Variants in SARNP observed in about 807,000 individuals in gnomAD.
The protein encoded by SARNP is SAP domain-containing ribonucleoprotein.
Under a neutral mutation model 38.1 loss-of-function variants are expected in SARNP, and 5 were observed. The observed-to-expected ratio is 0.13, with a 90% CI of 0.07 to 0.28. SARNP has a LOEUF of 0.28. Ranked by LOEUF, SARNP falls within the 10% of genes least tolerant of loss-of-function variation. The pLI, the probability that SARNP is intolerant of heterozygous loss-of-function variation, is 1.00. For missense variants in SARNP, 180 were observed against 243.9 expected, an observed-to-expected ratio of 0.74 and a Z score of 1.75; for synonymous variants, 84 against 80.6, an observed-to-expected ratio of 1.04 and a Z score of -0.23.
intron 5 of SARNP, 96 bp downstream of exon 5, chr12:55,795,925 TCTGC>T: frequency 1.2e-6 from 1 of 850,282 alleles, no homozygotes; most frequent in South Asian, 1.7e-5. Context: ...ATACTGATTT[TCTGC>T]CTGTGAATAA....
At chr12:55,755,836 T>C (rs1013454836), downstream of SARNP, 1 of 151,168 alleles carries the variant, frequency 6.6e-6, no homozygotes, top group African/African-American at 2.4e-5. Flanking sequence ...TGTTCAAAGA[T>C]CTAGGGGAAG....
intron 1 of SARNP, among the ~76,000 whole-genome samples, chr12:55,812,800 C>T (rs1377564560): frequency 6.6e-6 from 1 of 152,252 alleles, no homozygotes; most frequent in East Asian, 1.9e-4. Flanking sequence ...TGCTTATTCA[C>T]TCAACAAATC....
In SARNP at chr12:55,760,026, C is replaced by T. The variant is rs571027158; in HGVS notation, c.591+525G>A. On this transcript the variant is annotated intron_variant, in intron 10 of 10. Coordinates refer to ENST00000336133, the MANE Select transcript of SARNP (RefSeq NM_033082.4). The stretch of plus-strand genomic sequence containing the variant: ...GTGCTAAGATTACAGGCATGAGCCA[C>T]CACACCCAGCCCAGAGCCAATTTTA... 1.1e-4 allele frequency among the ~76,000 whole-genome samples: 16 copies of T among 152,264 alleles called. No homozygotes were observed. In the South Asian group the frequency reaches 2.9e-3, roughly 28 times the overall value.
chr12:55,806,445 T>C (rs1258749425), intron 1 of SARNP, among the ~76,000 whole-genome samples: 5 of 152,072 alleles, frequency 3.3e-5, no homozygotes, highest in African/African-American at 1.2e-4. Flanking sequence ...TGGCTAATTT[T>C]TGTATTTTTA....
chr12:55,816,884 G>A (rs1286426464), intron 1 of SARNP, among the ~76,000 whole-genome samples: 1 of 152,096 alleles, frequency 6.6e-6, no homozygotes, highest in Admixed American at 6.6e-5. Context: ...GTAACACCAG[G>A]AGATGCAGGG....
At chr12:55,790,641 G>T in intron 7 of SARNP, 49 bp from the exon 8 acceptor site, 1 of 1,433,258 alleles carries the variant, frequency 7.0e-7, no homozygotes, top group Non-Finnish European at 9.3e-7. Flanking sequence ...AGTCATCAAA[G>T]CCAACAGTCT....
At chr12:55,780,322 C>T (rs1879304399) in intron 9 of SARNP, among the ~76,000 whole-genome samples, 2 of 151,924 alleles carry the variant, frequency 1.3e-5, no homozygotes, top group African/African-American at 4.8e-5. Context: ...GGCATAGTAG[C>T]ACATGCCCGT....
At position 55,800,838 on chromosome 12, in the gene SARNP, ACT is replaced by A. The variant is rs758817624; in HGVS notation, c.183+14_183+15del. ...TGGCACATTACCAGAGACTAACCTT[ACT>A]CTATCCAACTCACCTCTGTTTCATC... On this transcript the variant is annotated intron_variant, in intron 3 of 10. Coordinates refer to ENST00000336133, the MANE Select transcript of SARNP (RefSeq NM_033082.4). 1.2e-6 allele frequency: 2 copies of A among 1,605,584 alleles called. No individual in the cohort carries two copies. Among genetic ancestry groups the A allele is most frequent in the Non-Finnish European group, 1.7e-6 (2 of 1,172,410 alleles).
At chr12:55,817,593 A>T (rs1381095061) in intron 1 of SARNP, 73 bp downstream of exon 1, 2 of 1,427,082 alleles carry the variant, frequency 1.4e-6, no homozygotes, top group Non-Finnish European at 1.9e-6. Flanking sequence ...AAGACGTAGG[A>T]GAAGGCGCAA....
At chr12:55,810,046 C>T (rs1234936404) in intron 1 of SARNP, among the ~76,000 whole-genome samples, 2 of 152,228 alleles carry the variant, frequency 1.3e-5, no homozygotes, top group South Asian at 2.1e-4. Flanking sequence ...ATCCAACCCA[C>T]AGAGAAAAGA....
rs1212331271 is a variant in SARNP, at chr12:55,800,844, T to C, written c.183+10A>G. The C allele has an allele frequency of 2.5e-6, 4 of 1,609,712 alleles. No individual in the cohort carries two copies. In the African/African-American group the frequency reaches 5.3e-5, roughly 22 times the overall value. On this transcript the variant is annotated intron_variant, in intron 3 of 10. Transcript: ENST00000336133. ...ATTACCAGAGACTAACCTTACTCTA[T>C]CCAACTCACCTCTGTTTCATCTCCC... is the stretch of plus-strand genomic sequence containing the variant.
In SARNP at chr12:55,800,861, T is replaced by G; in HGVS notation, c.176A>C (p.Glu59Ala). 5 of 1,613,060 alleles carry G rather than the reference T, an allele frequency of 3.1e-6. No homozygotes were observed. Among genetic ancestry groups the G allele is most frequent in the Non-Finnish European group, 4.2e-6 (5 of 1,179,068 alleles). Residue 59 changes from glutamate to alanine, a missense_variant, in exon 3 of 11, where the codon GAA becomes GCA. Glu to Ala is a moderately radical substitution (Grantham distance 107). Around this residue, in one of 2 missense-constraint regions of SARNP, gnomAD observed 161 missense variants for 194.1 expected, o/e 0.83. Transcript: ENST00000336133. Reference sequence around the variant, plus strand: ...TTACTCTATCCAACTCACCTCTGTTTCATCTCCCAGTACATCTTCTTCATT... The same window carrying G: ...TTACTCTATCCAACTCACCTCTGTTGCATCTCCCAGTACATCTTCTTCATT... Reference protein sequence around the residue: ...EANEEDVLGDETEEEETKPIE... With the variant: ...EANEEDVLGDATEEEETKPIE...
At chr12:55,794,747 TC>T in intron 6 of SARNP, 59 bp downstream of exon 6, 1 of 977,070 alleles carries the variant, frequency 1.0e-6, no homozygotes, top group Non-Finnish European at 1.6e-6. Flanking sequence ...AAAGCTAGGA[TC>T]ACACATCTTC....
chr12:55,774,558 T>TAAAAAAAAAAAAAAAAAAAA lies in SARNP; in HGVS notation c.502-13919_502-13918insTTTTTTTTTTTTTTTTTTTT, dbSNP rs1565673497. Among the ~76,000 whole-genome samples, 26 of 40,522 alleles carry TAAAAAAAAAAAAAAAAAAAA rather than the reference T, an allele frequency of 6.4e-4. 1 individual carries two copies. Among genetic ancestry groups the TAAAAAAAAAAAAAAAAAAAA allele is most frequent in the Middle Eastern group, 0.018 (1 of 56 alleles). The allele number at this position is 40,522 out of a possible 152,430, so 26.6% of individuals were successfully genotyped here. A position where few individuals can be genotyped will look rare whatever the true frequency, so the allele number is the denominator to read the frequency against. On this transcript the variant is annotated intron_variant, in intron 9 of 10. Coordinates refer to ENST00000336133, the MANE Select transcript of SARNP (RefSeq NM_033082.4). ...CGACACGGTGAAACCCCGTCTCTACTGAAAAAAAAAAAAAAACAAACAAAA... is the reference window on the plus strand; with the variant it reads ...CGACACGGTGAAACCCCGTCTCTACTAAAAAAAAAAAAAAAAAAAAGAAAAAAAAAAAAAAACAAACAAAA...
chr12:55,754,625 C>G (rs191572039), downstream of SARNP: 1 of 152,316 alleles, frequency 6.6e-6, no homozygotes, highest in African/African-American at 2.4e-5. Flanking sequence ...TAGCTAGAAC[C>G]TACTCAGGGA....
intron 9 of SARNP, among the ~76,000 whole-genome samples, chr12:55,788,338 T>C (rs149570593): frequency 8.7e-4 from 132 of 152,312 alleles, no homozygotes; most frequent in African/African-American, 3.0e-3. Context: ...AACTTTTTTT[T>C]TTTGTTCCAC....
In SARNP at chr12:55,791,288, T is replaced by C. The variant is rs895307980; in HGVS notation, c.407-696A>G. Among the ~76,000 whole-genome samples, 3 of 152,318 alleles carry C rather than the reference T, an allele frequency of 2.0e-5. No homozygotes were observed. In the East Asian group the frequency reaches 5.8e-4, roughly 29 times the overall value. ...ACTCTGTGAATATACTATGAAATAA[T>C]GAATTATATATCTTTAAATGGATGA... On this transcript the variant is annotated intron_variant, in intron 7 of 10. Transcript: ENST00000336133.
chr12:55,760,672 A>C, intron 9 of SARNP, 32 bp from the exon 10 acceptor site: 1 of 1,436,602 alleles, frequency 7.0e-7, no homozygotes, highest in Non-Finnish European at 9.8e-7. Context: ...AGTTGAAACA[A>C]ACTAGCCTCC....
At chr12:55,788,120 G>C (rs988811036) in intron 9 of SARNP, among the ~76,000 whole-genome samples, 8 of 152,162 alleles carry the variant, frequency 5.3e-5, no homozygotes, top group African/African-American at 1.9e-4. Context: ...CAAGAAACAT[G>C]TTCTTGTTCT....
Sources: gnomAD v4.1 joint callset for allele counts (sites outside exome capture counted in the v4.1 genomes callset) on GRCh38, gnomAD v4.1.1 for gene constraint, gnomAD v4.1.1 regional missense constraint, MANE v1.5 for transcripts, NCBI Gene and HGNC (gene_info 2026-07-23, HGNC 2026-07-21) for gene names.